The following PID1 variants were observed in gnomAD, a reference collection of about 807,000 sequenced individuals.
PID1 encodes the protein PTB-containing, cubilin and LRP1-interacting protein.
Under a neutral mutation model 19.1 loss-of-function variants are expected in PID1, and 10 were observed. That is an observed-to-expected ratio of 0.52 (90% CI 0.32 to 0.89). The LOEUF (loss-of-function observed/expected upper bound fraction) is 0.89, where lower values mean the gene tolerates loss of function less well. Ranked by LOEUF, PID1 falls within the 40% of genes least tolerant of loss-of-function variation. PID1 has a pLI of 0.03. For synonymous variants in PID1, 130 were observed against 116.0 expected, an observed-to-expected ratio of 1.12 and a Z score of -0.78; for missense variants, 248 against 285.3, an observed-to-expected ratio of 0.87 and a Z score of 0.94.
At chr2:229,197,415 T>C (rs1380617863) in intron 1 of PID1, among the ~76,000 whole-genome samples, 12 of 152,072 alleles carry the variant, frequency 7.9e-5, no homozygotes, top group Non-Finnish European at 7.4e-5. Flanking sequence ...ATTATCATCA[T>C]ATTAATCTAA....
chr2:229,072,413 C>G (rs1694474363), intron 2 of PID1, among the ~76,000 whole-genome samples: 1 of 152,008 alleles, frequency 6.6e-6, no homozygotes, highest in African/African-American at 2.4e-5. Flanking sequence ...ACGGCAAAAC[C>G]CTGTCTCTAC....
chr2:229,185,066 A>ATATATATATCCTACATATATATCC (rs1553573778), intron 1 of PID1, among the ~76,000 whole-genome samples: 1 of 4,822 alleles, frequency 2.1e-4, no homozygotes, highest in Non-Finnish European at 4.3e-4. Flanking sequence ...TATATCCTCC[A>ATATATATATCCTACATATATATCC]TATATATATA....
chr2:229,220,303 T>G (rs1691939102), intron 1 of PID1, among the ~76,000 whole-genome samples: 1 of 152,182 alleles, frequency 6.6e-6, no homozygotes, highest in Non-Finnish European at 1.5e-5. Context: ...TGTCTAGAAC[T>G]AGCAAGTGGC....
At chr2:229,182,166 G>T (rs1313705002) in intron 1 of PID1, among the ~76,000 whole-genome samples, 2 of 152,116 alleles carry the variant, frequency 1.3e-5, no homozygotes, top group African/African-American at 4.8e-5. Context: ...ACTCATAGAA[G>T]TACAACAGCA....
At chr2:229,055,959 G>A (rs1173782093) in intron 2 of PID1, among the ~76,000 whole-genome samples, 2 of 152,214 alleles carry the variant, frequency 1.3e-5, no homozygotes, top group Non-Finnish European at 2.9e-5. Context: ...AAGTGGACAC[G>A]GCTGACTGTT....
chr2:229,192,362 G>A (rs1691278752), intron 1 of PID1, among the ~76,000 whole-genome samples: 1 of 152,088 alleles, frequency 6.6e-6, no homozygotes, highest in African/African-American at 2.4e-5. Context: ...AGAACCTTTT[G>A]ACATTTCTGG....
chr2:229,245,449 A>T (rs1689977020), intron 1 of PID1, among the ~76,000 whole-genome samples: 1 of 152,142 alleles, frequency 6.6e-6, no homozygotes, highest in Non-Finnish European at 1.5e-5. Context: ...ACTAACAACA[A>T]TTATAATCCT....
intron 2 of PID1, among the ~76,000 whole-genome samples, chr2:229,128,198 G>A (rs183394757): frequency 1.7e-4 from 26 of 152,266 alleles, no homozygotes; most frequent in African/African-American, 4.3e-4. Flanking sequence ...GTATTTCCAG[G>A]GAGGCAGGAA....
At chr2:229,214,595 AG>A (rs1225697057) in intron 1 of PID1, among the ~76,000 whole-genome samples, 1 of 152,178 alleles carries the variant, frequency 6.6e-6, no homozygotes, top group African/African-American at 2.4e-5. Context: ...TTTATTAGTT[AG>A]TTTTCTTTTC....
At chr2:229,063,265 A>G (rs1292683609) in intron 2 of PID1, among the ~76,000 whole-genome samples, 1 of 151,996 alleles carries the variant, frequency 6.6e-6, no homozygotes, top group East Asian at 1.9e-4. Flanking sequence ...TTATTTCTAT[A>G]AAACTTCCCT....
intron 1 of PID1, among the ~76,000 whole-genome samples, chr2:229,187,707 A>G (rs550378873): frequency 6.6e-6 from 1 of 152,158 alleles, no homozygotes; most frequent in Non-Finnish European, 1.5e-5. Context: ...CATTTCCATG[A>G]GCATAAAACA....
At chr2:229,050,728 C>G (rs1693977571) in intron 2 of PID1, among the ~76,000 whole-genome samples, 1 of 152,128 alleles carries the variant, frequency 6.6e-6, no homozygotes, top group African/African-American at 2.4e-5. Flanking sequence ...CCATCTCAAG[C>G]TCTGGGGGTA....
chr2:229,025,754 G>A lies in PID1; in HGVS notation c.532C>T (p.Leu178=). 6.2e-7 allele frequency: 1 copy of A among 1,614,268 alleles called. No individual in the cohort carries two copies. ...ECESKLEAKK[L]AHAMMEAFRK... ...AAGGCCTCCATCATGGCGTGGGCCA[G>A]TTTCTTGGCCTCGAGCTTGCTCTCG... The change falls in exon 3 of 3, where the codon CTG becomes TTG. Residue 178 remains leucine, a synonymous_variant. Coordinates refer to ENST00000392055, the MANE Select transcript of PID1 (RefSeq NM_001100818.2).
intron 2 of PID1, among the ~76,000 whole-genome samples, chr2:229,087,632 G>A (rs1574618337): frequency 6.6e-6 from 1 of 152,090 alleles, no homozygotes. Context: ...ATTGAGTAAC[G>A]AAGTCTACAA....
At chr2:229,242,965 C>A (rs1689912491) in intron 1 of PID1, among the ~76,000 whole-genome samples, 1 of 152,138 alleles carries the variant, frequency 6.6e-6, no homozygotes, top group African/African-American at 2.4e-5. Context: ...GGGTAATCTT[C>A]TCTACCTACC....
chr2:229,171,538 GAACT>G (rs1690712125), intron 1 of PID1, among the ~76,000 whole-genome samples: 1 of 152,140 alleles, frequency 6.6e-6, no homozygotes, highest in South Asian at 2.1e-4. Flanking sequence ...TCCCAACCTA[GAACT>G]AACCCCTCTC....
chr2:229,067,642 C>T (rs1003870788), intron 2 of PID1, among the ~76,000 whole-genome samples: 2 of 152,142 alleles, frequency 1.3e-5, no homozygotes, highest in African/African-American at 4.8e-5. Context: ...CATTACCAAT[C>T]CTCCATGAAG....
At chr2:229,232,347 G>A (rs189256345) in intron 1 of PID1, among the ~76,000 whole-genome samples, 1 of 137,290 alleles carries the variant, frequency 7.3e-6, no homozygotes, top group Non-Finnish European at 1.5e-5. Context: ...CAGGAGAATG[G>A]CCTGAACCTG....
chr2:229,145,147 A>ATATGTGTGTG, intron 2 of PID1, among the ~76,000 whole-genome samples: 1 of 116,652 alleles, frequency 8.6e-6, no homozygotes, highest in South Asian at 2.6e-4. Flanking sequence ...GTTTAAATAT[A>ATATGTGTGTG]TGTATGTGTA....
Sources: gnomAD v4.1 joint callset for allele counts (sites outside exome capture counted in the v4.1 genomes callset) on GRCh38, gnomAD v4.1.1 for gene constraint, MANE v1.5 for transcripts, NCBI Gene and HGNC (gene_info 2026-07-23, HGNC 2026-07-21) for gene names.